Variants in PAK1 observed in about 807,000 individuals in gnomAD.
PAK1 encodes the protein p21 (RAC1) activated kinase 1, also known as serine/threonine-protein kinase PAK 1.
A neutral mutation model predicts 67.4 loss-of-function variants in PAK1; 29 were observed. That is an observed-to-expected ratio of 0.43 (90% CI 0.32 to 0.59). The LOEUF (loss-of-function observed/expected upper bound fraction) is 0.59. Ranked by LOEUF, PAK1 falls within the 20% of genes least tolerant of loss-of-function variation. The probability of loss-of-function intolerance (pLI) is 0.07; values close to 1 mark genes in which losing one functional copy is unlikely to be tolerated. For missense variants in PAK1, 337 were observed against 670.7 expected (o/e 0.50, Z 5.50); for synonymous variants, 223 against 237.4 (o/e 0.94, Z 0.56).
the PAK1 span, among the ~76,000 whole-genome samples, chr11:77,509,219 C>T: frequency 7.2e-5 from 11 of 151,848 alleles, no homozygotes; most frequent in East Asian, 1.8e-3. Flanking sequence ...GATCGCGCCA[C>T]TGCACTCCAG....
chr11:77,459,616 C>T (rs1957228693), intron 1 of PAK1, among the ~76,000 whole-genome samples: 1 of 151,770 alleles, frequency 6.6e-6, no homozygotes, highest in Admixed American at 6.6e-5. Context: ...AATACAGAAT[C>T]ACAAATCATT....
At chr11:77,436,070 A>G (rs1353607288) in intron 1 of PAK1, among the ~76,000 whole-genome samples, 1 of 152,202 alleles carries the variant, frequency 6.6e-6, no homozygotes, top group Non-Finnish European at 1.5e-5. Flanking sequence ...TCTATAATCC[A>G]AACTCTGCTT....
In PAK1 at chr11:77,330,326, A is replaced by C. The variant is rs187552877; in HGVS notation, c.1551+2404T>G. ...AACCAAAAAAGAGCCCGCATCGCCGAGTCAATCCTAAGCCCAAAGAACAAA... is the reference window on the plus strand; with the variant it reads ...AACCAAAAAAGAGCCCGCATCGCCGCGTCAATCCTAAGCCCAAAGAACAAA... On this transcript the variant is annotated intron_variant, in intron 14 of 14. Transcript: ENST00000356341. Among the ~76,000 whole-genome samples the C allele has an allele frequency of 1.1e-3, 161 of 152,292 alleles. 1 individual carries two copies. Among genetic ancestry groups the C allele is most frequent in the African/African-American group, 3.8e-3 (156 of 41,538 alleles).
At chr11:77,428,253 G>A (rs1346675981) in intron 1 of PAK1, among the ~76,000 whole-genome samples, 1 of 152,082 alleles carries the variant, frequency 6.6e-6, no homozygotes, top group Non-Finnish European at 1.5e-5. Context: ...GATCAGTTAG[G>A]AGGCTTTGTG....
At chr11:77,459,183 T>A (rs1957210019) in intron 1 of PAK1, among the ~76,000 whole-genome samples, 2 of 152,178 alleles carry the variant, frequency 1.3e-5, no homozygotes, top group African/African-American at 4.8e-5. Flanking sequence ...GTTCCCTGAA[T>A]AACTAATTTA....
chr11:77,482,281 G>A, the PAK1 span, among the ~76,000 whole-genome samples: 1 of 78,096 alleles, frequency 1.3e-5, no homozygotes, highest in African/African-American at 3.3e-5. Flanking sequence ...GAGCCACCAC[G>A]CCCGGCCTAT....
the PAK1 span, among the ~76,000 whole-genome samples, chr11:77,479,646 C>T: frequency 1.6e-5 from 2 of 121,776 alleles, no homozygotes; most frequent in Non-Finnish European, 3.2e-5. Flanking sequence ...CTCACTCTGT[C>T]ACCCAGGCTG....
At chr11:77,410,090 C>T (rs944614979) in intron 1 of PAK1, among the ~76,000 whole-genome samples, 1 of 152,156 alleles carries the variant, frequency 6.6e-6, no homozygotes, top group Non-Finnish European at 1.5e-5. Flanking sequence ...CTCCTCCTGT[C>T]CCTCCAACCC....
At chr11:77,368,947 A>T (rs907991154) in intron 5 of PAK1, among the ~76,000 whole-genome samples, 2 of 152,192 alleles carry the variant, frequency 1.3e-5, no homozygotes, top group Admixed American at 1.3e-4. Context: ...AGCCTTTCAG[A>T]AGTGATCTGT....
At chr11:77,463,657 T>C (rs1366857564) in intron 1 of PAK1, among the ~76,000 whole-genome samples, 1 of 152,258 alleles carries the variant, frequency 6.6e-6, no homozygotes, top group East Asian at 1.9e-4. Flanking sequence ...TCTAGCACTC[T>C]AGAGAGGAGA....
the PAK1 span, among the ~76,000 whole-genome samples, chr11:77,506,007 G>A: frequency 3.0e-4 from 46 of 152,274 alleles, no homozygotes; most frequent in Non-Finnish European, 1.6e-4. Context: ...ATCAAGGCCT[G>A]GAGGTATAAG....
intron 1 of PAK1, among the ~76,000 whole-genome samples, chr11:77,415,976 G>GTAGTATTATTATTATTATTATTAT (rs1555169329): frequency 1.5e-4 from 22 of 147,446 alleles, no homozygotes; most frequent in African/African-American, 5.5e-4. Context: ...TGTATTCTTT[G>GTAGTATTATTATTATTATTATTAT]TATTATTATT....
chr11:77,502,223 G>A, the PAK1 span, among the ~76,000 whole-genome samples: 4 of 151,976 alleles, frequency 2.6e-5, no homozygotes, highest in African/African-American at 9.7e-5. Context: ...TAATTTTTCA[G>A]TTTTTGATCA....
At chr11:77,325,409 A>C (rs375887748) in intron 14 of PAK1, 125 of 1,608,804 alleles carry the variant, frequency 7.8e-5, no homozygotes, top group Non-Finnish European at 9.9e-5. Flanking sequence ...TATGACTCAC[A>C]GAGTTGTTGT....
intron 1 of PAK1, among the ~76,000 whole-genome samples, chr11:77,459,090 TGAAA>T (rs1377797074): frequency 6.6e-6 from 1 of 152,136 alleles, no homozygotes; most frequent in Non-Finnish European, 1.5e-5. Flanking sequence ...TGAAATGGAA[TGAAA>T]CTGAAACTGT....
At chr11:77,501,856 T>C in the PAK1 span, among the ~76,000 whole-genome samples, 3 of 152,214 alleles carry the variant, frequency 2.0e-5, no homozygotes, top group East Asian at 1.9e-4. Context: ...TCTAGCTAGA[T>C]AGAGTTAAAT....
the PAK1 span, among the ~76,000 whole-genome samples, chr11:77,489,710 C>T: frequency 0.033 from 4,950 of 150,314 alleles, 298 homozygotes; most frequent in African/African-American, 0.12. Context: ...CTCGGCCTCC[C>T]GAGGTGCCGG....
At chr11:77,460,198 G>C (rs886667720) in intron 1 of PAK1, among the ~76,000 whole-genome samples, 10 of 148,582 alleles carry the variant, frequency 6.7e-5, no homozygotes, top group African/African-American at 2.5e-4. Context: ...AAGGGAGAGA[G>C]AAAAAGAAAG....
Position 77,371,420 on chromosome 11 carries a change from G to C in PAK1, c.477+2908C>G, listed in dbSNP as rs537926015. On this transcript the variant is annotated intron_variant, in intron 5 of 14. Coordinates refer to ENST00000356341, the MANE Select transcript of PAK1 (RefSeq NM_002576.5). ...ATTTTTTTTCTCAAGGATTAAGACA[G>C]TGCACGTTCATTTTTGTGTCACTTG... 2.6e-5 allele frequency among the ~76,000 whole-genome samples: 4 copies of C among 152,226 alleles called. No individual in the cohort carries two copies. In the South Asian group the frequency reaches 8.3e-4, roughly 32 times the overall value.
Sources: allele counts gnomAD v4.1 joint callset (sites outside exome capture counted in the v4.1 genomes callset), GRCh38; gene constraint gnomAD v4.1.1; transcripts MANE v1.5; gene names NCBI Gene and HGNC (gene_info 2026-07-23, HGNC 2026-07-21).